SLC35E1: variants seen among roughly 807,000 people sequenced by gnomAD.
The protein encoded by SLC35E1 is solute carrier family 35 member E1.
SLC35E1 carries 12 observed loss-of-function variants against 31.0 expected under a neutral mutation model. The ratio of observed to expected loss-of-function variants is 0.39; its 90% confidence interval spans 0.25 to 0.63. The LOEUF is 0.63. SLC35E1 is among the 20% of genes least tolerant of loss of function. The pLI, the probability that SLC35E1 is intolerant of heterozygous loss-of-function variation, is 0.52. For missense variants in SLC35E1, 429 were observed against 572.2 expected, an observed-to-expected ratio of 0.75 and a Z score of 2.55; for synonymous variants, 257 against 264.1, an observed-to-expected ratio of 0.97 and a Z score of 0.26.
At chr19:16,562,337 T>C (rs780857434) in intron 4 of SLC35E1, among the ~76,000 whole-genome samples, 16 of 152,212 alleles carry the variant, frequency 1.1e-4, no homozygotes, top group Non-Finnish European at 1.5e-4. Flanking sequence ...TATGTCGTTA[T>C]GAAGAGCTCT....
chr19:16,565,262 G>A (rs2085925950), intron 4 of SLC35E1: 1 of 386,456 alleles, frequency 2.6e-6, no homozygotes, highest in African/African-American at 2.1e-5. Context: ...CCAGGCTGGA[G>A]TGCAGTGGTG....
In SLC35E1 at chr19:16,572,052, G is replaced by A; in HGVS notation, c.313C>T (p.Pro105Ser). The change falls in exon 1 of 6, where the codon CCG becomes TCG. Residue 105 changes from proline (P) to serine (S), a missense_variant. Pro to Ser is a moderately conservative substitution (Grantham distance 74). Coordinates refer to ENST00000595753, the MANE Select transcript of SLC35E1 (RefSeq NM_024881.5). This position sits in a 1 kb window ranked among gnomAD's most constrained non-coding sequence, Gnocchi z 4.1. ...PHPSSGPLLP[P>S]RFYPRYVLPL... ...AGCACGTAGCGCGGGTAGAAGCGCG[G>A]CGGCAGCAGCGGGCCGGACGACGGA... 6.5e-7 allele frequency: 1 copy of A among 1,539,802 alleles called. No homozygotes were observed. The highest frequency in any genetic ancestry group is 2.6e-5 in the East Asian group (1 of 39,192).
At chr19:16,567,125 T>C (rs1279353230) in intron 3 of SLC35E1, among the ~76,000 whole-genome samples, 1 of 152,210 alleles carries the variant, frequency 6.6e-6, no homozygotes, top group African/African-American at 2.4e-5. Flanking sequence ...GTATTTCCAA[T>C]AGAGAGACTG....
intron 4 of SLC35E1, among the ~76,000 whole-genome samples, chr19:16,557,634 G>A (rs964018401): frequency 4.6e-5 from 7 of 152,158 alleles, no homozygotes; most frequent in South Asian, 2.1e-4. Context: ...GTCATGATCC[G>A]TGTGTCCTTG....
At chr19:16,554,819 C>CA (rs2085866971) in intron 5 of SLC35E1, among the ~76,000 whole-genome samples, 3 of 98,920 alleles carry the variant, frequency 3.0e-5, no homozygotes, top group East Asian at 5.7e-4. Context: ...GACTCCATCT[C>CA]GAAAAAAAAA....
chr19:16,563,448 GC>G (rs2085917234), intron 4 of SLC35E1, among the ~76,000 whole-genome samples: 1 of 152,156 alleles, frequency 6.6e-6, no homozygotes, highest in Non-Finnish European at 1.5e-5. Context: ...TGAACTAGGA[GC>G]CTAAGAAATG....
chr19:16,560,177 C>T (rs149127106), intron 4 of SLC35E1, among the ~76,000 whole-genome samples: 63 of 152,268 alleles, frequency 4.1e-4, no homozygotes, highest in African/African-American at 1.2e-3. Flanking sequence ...ACATGTGTGA[C>T]GCTCAGGGGC....
At chr19:16,560,157 T>C (rs1036627942) in intron 4 of SLC35E1, among the ~76,000 whole-genome samples, 4 of 152,124 alleles carry the variant, frequency 2.6e-5, no homozygotes, top group African/African-American at 9.7e-5. Context: ...CTGTTTAAGA[T>C]CTCATCCTCA....
chr19:16,572,405 C>G lies in SLC35E1; in HGVS notation c.-41G>C, dbSNP rs991389565. ...GCCCCTTCCAGCCCGTCCGACGGCC[C>G]GACGCCGGGCGGGGGCGGGGCTGGG... On this transcript the variant is annotated 5_prime_UTR_variant, in exon 1 of 6. Coordinates refer to ENST00000595753, the MANE Select transcript of SLC35E1 (RefSeq NM_024881.5). This position sits in a 1 kb window ranked among gnomAD's most constrained non-coding sequence, Gnocchi z 4.1. 6 of 984,428 alleles carry G rather than the reference C, an allele frequency of 6.1e-6. No homozygotes were observed. The highest frequency in any genetic ancestry group is 7.2e-6 in the Non-Finnish European group (6 of 828,294). 61.0% of individuals were successfully genotyped at this position (984,428 alleles called of 1,614,324 possible). A position where few individuals can be genotyped will look rare whatever the true frequency, so the allele number is the denominator to read the frequency against.
chr19:16,565,353 G>A (rs1294899586), intron 4 of SLC35E1: 1 of 335,450 alleles, frequency 3.0e-6, no homozygotes, highest in Admixed American at 4.2e-5. Flanking sequence ...TGGGATTACA[G>A]GCGTGCACCA....
Position 16,572,006 on chromosome 19 carries a change from T to G in SLC35E1, c.359A>C (p.Tyr120Ser). The G allele has an allele frequency of 6.5e-7, 1 of 1,546,222 alleles. No individual in the cohort carries two copies. The highest frequency in any genetic ancestry group is 1.7e-4 in the Middle Eastern group (1 of 5,976). ...GACGTGCGCTGACACGGACGCGAAG[T>G]ACTTGCCGAAGGCGAGCGGTAGCAC... ...RYVLPLAFGK[Y>S]FASVSAHVSI... Residue 120 changes from tyrosine to serine, a missense_variant, in exon 1 of 6, where the codon TAC (tyrosine) becomes TCC (serine). Physicochemically the swap from Tyr to Ser is moderately radical, Grantham distance 144. Coordinates refer to ENST00000595753, the MANE Select transcript of SLC35E1 (RefSeq NM_024881.5). This position sits in a 1 kb window ranked among gnomAD's most constrained non-coding sequence, Gnocchi z 4.1.
intron 4 of SLC35E1, among the ~76,000 whole-genome samples, chr19:16,563,394 T>G (rs529297569): frequency 6.6e-6 from 1 of 152,270 alleles, no homozygotes; most frequent in African/African-American, 2.4e-5. Context: ...CAGAGGGTGA[T>G]TATACATGCA....
chr19:16,571,689 C>T (rs887722454), intron 1 of SLC35E1, 107 bp from the exon 2 acceptor site: 28 of 1,230,758 alleles, frequency 2.3e-5, no homozygotes, highest in Admixed American at 1.3e-4. Context: ...CACACCTCTT[C>T]GCCCCTTCTC....
At chr19:16,559,250 A>C (rs1377966763) in intron 4 of SLC35E1, among the ~76,000 whole-genome samples, 1 of 151,816 alleles carries the variant, frequency 6.6e-6, no homozygotes, top group African/African-American at 2.4e-5. Context: ...TGGGAGGCAG[A>C]GGTTGCAGTG....
At chr19:16,565,312 G>C in intron 4 of SLC35E1, 1 of 345,292 alleles carries the variant, frequency 2.9e-6, no homozygotes, top group South Asian at 2.2e-5. Context: ...CTGGGTTCAA[G>C]CGATTCTCCC....
chr19:16,563,259 G>A (rs2085916029), intron 4 of SLC35E1, among the ~76,000 whole-genome samples: 1 of 151,272 alleles, frequency 6.6e-6, no homozygotes, highest in South Asian at 2.1e-4. Context: ...GGGAGGCGGA[G>A]GCTGCAGTGA....
rs2085844500 is a variant in SLC35E1 at position 16,551,376 on chromosome 19, G to C, written c.*2303C>G. 6.6e-6 allele frequency: 1 copy of C among 152,174 alleles called. No homozygotes were observed. The highest frequency in any genetic ancestry group is 2.1e-4 in the South Asian group (1 of 4,828). The allele number at this position is 152,174 out of a possible 1,614,324, so 9.4% of individuals were successfully genotyped here. A position where few individuals can be genotyped will look rare whatever the true frequency, so the allele number is the denominator to read the frequency against. On this transcript the variant is annotated 3_prime_UTR_variant, in exon 6 of 6. Coordinates refer to ENST00000595753, the MANE Select transcript of SLC35E1 (RefSeq NM_024881.5). ...CTCTTCAGGAGTGTCCCATGTGTCAGCTGACATAACATCTTAAATACAGAA... is the reference window on the plus strand; with the variant it reads ...CTCTTCAGGAGTGTCCCATGTGTCACCTGACATAACATCTTAAATACAGAA...
At chr19:16,567,530 T>C (rs1568274820) in intron 3 of SLC35E1, among the ~76,000 whole-genome samples, 1 of 152,190 alleles carries the variant, frequency 6.6e-6, no homozygotes, top group Non-Finnish European at 1.5e-5. Context: ...CTTTATTTTT[T>C]TCTTATTGAG....
chr19:16,556,189 G>A (rs1410103589), intron 4 of SLC35E1, among the ~76,000 whole-genome samples: 1 of 151,706 alleles, frequency 6.6e-6, no homozygotes, highest in Non-Finnish European at 1.5e-5. Context: ...CTCCAGCCAG[G>A]GCAACAGAGC....
Sources: allele counts gnomAD v4.1 joint callset (sites outside exome capture counted in the v4.1 genomes callset), GRCh38; gene constraint gnomAD v4.1.1; non-coding constraint Gnocchi (gnomAD v3.1); transcripts MANE v1.5; gene names NCBI Gene and HGNC (gene_info 2026-07-23, HGNC 2026-07-21).